Variants in MARCHF10 observed in about 807,000 individuals in gnomAD.
The protein encoded by MARCHF10 is membrane associated ring-CH-type finger 10.
Under a neutral mutation model 76.2 loss-of-function variants are expected in MARCHF10, and 64 were observed. The observed-to-expected ratio is 0.84, with a 90% confidence interval of 0.69 to 1.03. The LOEUF (loss-of-function observed/expected upper bound fraction) is 1.03. Ranked by LOEUF, MARCHF10 falls within the 50% of genes least tolerant of loss-of-function variation. The pLI, the probability that MARCHF10 is intolerant of heterozygous loss-of-function variation, is 0.00. For missense variants in MARCHF10, 875 were observed against 958.0 expected, an observed-to-expected ratio of 0.91 and a Z score of 1.14; for synonymous variants, 340 against 357.5, an observed-to-expected ratio of 0.95 and a Z score of 0.55.
At chr17:62,751,140 C>T (rs1244273865) in intron 4 of MARCHF10, among the ~76,000 whole-genome samples, 5 of 152,190 alleles carry the variant, frequency 3.3e-5, no homozygotes, top group African/African-American at 1.2e-4. Context: ...ACTAACCTCA[C>T]GCTCAAACTG....
intron 4 of MARCHF10, among the ~76,000 whole-genome samples, chr17:62,754,628 T>C (rs980391677): frequency 2.6e-5 from 4 of 152,094 alleles, no homozygotes; most frequent in African/African-American, 9.7e-5. Context: ...CTCACATTTA[T>C]GGGGTTATAA....
chr17:62,788,722 T>C, intron 2 of MARCHF10, 123 bp from the exon 3 acceptor site: 2 of 1,301,680 alleles, frequency 1.5e-6, no homozygotes, highest in South Asian at 1.3e-5. Flanking sequence ...GTTCATCAAA[T>C]ACCTCTCACC....
rs10676023 is a variant in MARCHF10, at chr17:62,782,345, C to CTTTT, written c.210+6131_210+6134dup. 9.2e-4 allele frequency among the ~76,000 whole-genome samples: 98 copies of CTTTT among 107,010 alleles called. 3 individuals are homozygous for CTTTT. Among genetic ancestry groups the CTTTT allele is most frequent in the African/African-American group, 3.0e-3 (80 of 26,336 alleles). The allele number at this position is 107,010 out of a possible 152,430, so 70.2% of individuals were successfully genotyped here. A position where few individuals can be genotyped will look rare whatever the true frequency, so the allele number is the denominator to read the frequency against. On this transcript the variant is annotated intron_variant, in intron 3 of 10. Coordinates refer to ENST00000311269, the MANE Select transcript of MARCHF10 (RefSeq NM_152598.4). Reference sequence around the variant, plus strand: ...CTCTGAAGGTTTGCAAACAACTGTTCTTTTTTTTTTTTTTTTTTTTGAGAT... The same window carrying CTTTT: ...CTCTGAAGGTTTGCAAACAACTGTTCTTTTTTTTTTTTTTTTTTTTTTTTGAGAT...
At position 62,744,309 on chromosome 17, in the gene MARCHF10, C is replaced by A. The variant is rs552486630; in HGVS notation, c.535+67G>T. ...AAGTATCTAAAAACCATAAAGAATTCACCGGGTAACAGCAAAAATCAGTCC... is the reference window on the plus strand; with the variant it reads ...AAGTATCTAAAAACCATAAAGAATTAACCGGGTAACAGCAAAAATCAGTCC... On this transcript the variant is annotated intron_variant, in intron 5 of 10. Transcript: ENST00000311269. The A allele has an allele frequency of 6.6e-6, 10 of 1,519,680 alleles. No individual in the cohort carries two copies. In the South Asian group the frequency reaches 1.2e-4, roughly 19 times the overall value. 94.1% of individuals were successfully genotyped at this position (1,519,680 alleles called of 1,614,324 possible). A position where few individuals can be genotyped will look rare whatever the true frequency, so the allele number is the denominator to read the frequency against.
intron 2 of MARCHF10, among the ~76,000 whole-genome samples, chr17:62,801,360 A>G (rs1424919311): frequency 1.3e-5 from 2 of 151,704 alleles, no homozygotes; most frequent in Non-Finnish European, 2.9e-5. Flanking sequence ...TCACTGTGTT[A>G]GCCAGGATGG....
chr17:62,701,490 T>C lies in MARCHF10; in HGVS notation c.*213A>G. The C allele has an allele frequency of 8.7e-7, 1 of 1,144,930 alleles. No homozygotes were observed. The highest frequency in any genetic ancestry group is 1.2e-6 in the Non-Finnish European group (1 of 834,304). 70.9% of individuals were successfully genotyped at this position (1,144,930 alleles called of 1,614,324 possible). A position where few individuals can be genotyped will look rare whatever the true frequency, so the allele number is the denominator to read the frequency against. On this transcript the variant is annotated 3_prime_UTR_variant, in exon 11 of 11. Coordinates refer to ENST00000311269, the MANE Select transcript of MARCHF10 (RefSeq NM_152598.4). ...CAGGGGCTCCACAGTCCCACGCTGC[T>C]TGACCTGTGCTGTCTGGGACTAGAC... is the stretch of plus-strand genomic sequence containing the variant.
chr17:62,737,743 TC>T (rs2091338725), intron 5 of MARCHF10: 1 of 184,468 alleles, frequency 5.4e-6, no homozygotes, highest in Non-Finnish European at 1.1e-5. Context: ...TCATCCACGT[TC>T]ATTCAATGTA....
intron 6 of MARCHF10, 90 bp from the exon 7 acceptor site, chr17:62,725,194 A>G: frequency 1.6e-6 from 2 of 1,259,958 alleles, no homozygotes; most frequent in Non-Finnish European, 2.1e-6. Flanking sequence ...CAGAGAAGGA[A>G]GAGGGCTCCT....
At chr17:62,718,722 A>G (rs753746382) in intron 8 of MARCHF10, among the ~76,000 whole-genome samples, 1 of 152,140 alleles carries the variant, frequency 6.6e-6, no homozygotes, top group Non-Finnish European at 1.5e-5. Context: ...CAGGAATGTG[A>G]GTCGCGCTGT....
At chr17:62,806,399 A>G (rs1182724947) in intron 1 of MARCHF10, 4 of 152,250 alleles carry the variant, frequency 2.6e-5, no homozygotes, top group Non-Finnish European at 1.5e-5. Flanking sequence ...TGTTTCTAAA[A>G]TAGCACTCTG....
chr17:62,771,216 T>C (rs1348036854), intron 3 of MARCHF10, among the ~76,000 whole-genome samples: 4 of 151,972 alleles, frequency 2.6e-5, no homozygotes, highest in South Asian at 2.1e-4. Context: ...AAAAAGGAAA[T>C]ATGAACACCC....
intron 2 of MARCHF10, among the ~76,000 whole-genome samples, chr17:62,793,192 TCCATCA>T (rs1424401784): frequency 1.0e-4 from 4 of 39,610 alleles, no homozygotes; most frequent in East Asian, 8.8e-4. Flanking sequence ...CACCACCACC[TCCATCA>T]CCACCACCAC....
At chr17:62,752,223 C>A (rs73992052) in intron 4 of MARCHF10, among the ~76,000 whole-genome samples, 5 of 151,974 alleles carry the variant, frequency 3.3e-5, no homozygotes, top group Non-Finnish European at 5.9e-5. Context: ...CAGTTGTTAT[C>A]TCCCAAAGTC....
chr17:62,702,685 G>T (rs2089316282), intron 10 of MARCHF10, among the ~76,000 whole-genome samples: 1 of 151,986 alleles, frequency 6.6e-6, no homozygotes, highest in African/African-American at 2.4e-5. Flanking sequence ...AATAAAAAAA[G>T]AAAAAAGAAA....
chr17:62,764,873 C>T (rs550079375), intron 3 of MARCHF10, among the ~76,000 whole-genome samples: 7 of 152,278 alleles, frequency 4.6e-5, no homozygotes, highest in East Asian at 1.9e-4. Context: ...CAGAATTGTA[C>T]GCTTGGACAA....
At chr17:62,793,995 C>T (rs908133694) in intron 2 of MARCHF10, among the ~76,000 whole-genome samples, 1 of 151,646 alleles carries the variant, frequency 6.6e-6, no homozygotes, top group Non-Finnish European at 1.5e-5. Context: ...ACCACCACCA[C>T]CTCCATCATG....
chr17:62,730,868 G>C (rs1442101971), intron 6 of MARCHF10, among the ~76,000 whole-genome samples: 1 of 151,780 alleles, frequency 6.6e-6, no homozygotes, highest in African/African-American at 2.4e-5. Flanking sequence ...ACTCCAGCCT[G>C]GGCAACAGAG....
rs2147507645 is a variant in MARCHF10, at chr17:62,701,598, TG to T, written c.*104del. On this transcript the variant is annotated 3_prime_UTR_variant, in exon 11 of 11. Coordinates refer to ENST00000311269, the MANE Select transcript of MARCHF10 (RefSeq NM_152598.4). ...GGTGAAAATCTAACTGTGAACGCTT[TG>T]GTTTCAGTTTCAGTAAAGAGGAGGA... 2.5e-6 allele frequency: 4 copies of T among 1,600,358 alleles called. No homozygotes were observed. The East Asian group carries it at 9.0e-5, about 36-fold the overall frequency.
At chr17:62,720,842 C>T (rs1040326012) in intron 8 of MARCHF10, among the ~76,000 whole-genome samples, 2 of 149,044 alleles carry the variant, frequency 1.3e-5, no homozygotes, top group Non-Finnish European at 3.0e-5. Context: ...TCAGGAGTCT[C>T]TGCTCCGGTA....
Sources: allele counts gnomAD v4.1 joint callset (sites outside exome capture counted in the v4.1 genomes callset), GRCh38; gene constraint gnomAD v4.1.1; transcripts MANE v1.5; gene names NCBI Gene and HGNC (gene_info 2026-07-23, HGNC 2026-07-21).